The following TENT2 variants were observed in gnomAD, a reference collection of about 807,000 sequenced individuals.
The protein encoded by TENT2 is terminal nucleotidyltransferase 2.
TENT2 carries 44 observed loss-of-function variants against 72.2 expected under a neutral mutation model. The ratio of observed to expected loss-of-function variants is 0.61; its 90% CI spans 0.48 to 0.78. The LOEUF is 0.78. Ranked by LOEUF, TENT2 falls within the 30% of genes least tolerant of loss-of-function variation. TENT2 has a pLI of 0.00. For synonymous variants in TENT2, 212 were observed against 192.5 expected, an observed-to-expected ratio of 1.10 and a Z score of -0.84; for missense variants, 541 against 569.6, an observed-to-expected ratio of 0.95 and a Z score of 0.51.
At chr5:79,617,982 A>G (rs1440174398) in intron 1 of TENT2, among the ~76,000 whole-genome samples, 2 of 151,826 alleles carry the variant, frequency 1.3e-5, no homozygotes, top group African/African-American at 2.4e-5. Context: ...GGTGTCTTTC[A>G]GTCTTTGGCA....
At chr5:79,629,779 A>G (rs1455382484) in intron 4 of TENT2, among the ~76,000 whole-genome samples, 6 of 150,820 alleles carry the variant, frequency 4.0e-5, no homozygotes, top group East Asian at 2.0e-4. Context: ...GTGAGCCGAG[A>G]TCGTGCCACT....
chr5:79,614,697 A>G (rs552545324), intron 1 of TENT2, among the ~76,000 whole-genome samples: 19 of 152,352 alleles, frequency 1.2e-4, no homozygotes, highest in Admixed American at 3.9e-4. Context: ...GAAACCTTTC[A>G]TTCAGAGTAT....
At chr5:79,633,812 A>G (rs1224999899) in intron 4 of TENT2, among the ~76,000 whole-genome samples, 1 of 150,322 alleles carries the variant, frequency 6.7e-6, no homozygotes, top group African/African-American at 2.4e-5. Context: ...TGTGAAGGTT[A>G]TACAGTGTTA....
intron 9 of TENT2, 74 bp from the exon 10 acceptor site, chr5:79,648,988 A>T: frequency 6.8e-7 from 1 of 1,477,710 alleles, no homozygotes; most frequent in Non-Finnish European, 9.3e-7. Flanking sequence ...TTTGGTATGG[A>T]GCTGGGAAAT....
intron 4 of TENT2, among the ~76,000 whole-genome samples, chr5:79,639,477 G>GTTT (rs368927693): frequency 0.047 from 6,778 of 145,208 alleles, 363 homozygotes; most frequent in Admixed American, 0.15. Context: ...AGTGAAGGTG[G>GTTT]TTTTTTTTTT....
At chr5:79,617,127 A>G (rs1422759956) in intron 1 of TENT2, among the ~76,000 whole-genome samples, 1 of 151,736 alleles carries the variant, frequency 6.6e-6, no homozygotes, top group South Asian at 2.1e-4. Context: ...GTTTAAAAAA[A>G]AAAAGAAAAG....
chr5:79,636,442 C>T (rs911628316), intron 4 of TENT2, among the ~76,000 whole-genome samples: 2 of 151,838 alleles, frequency 1.3e-5, no homozygotes, highest in Non-Finnish European at 2.9e-5. Context: ...TTTGTTTATC[C>T]TTCTGCCAGG....
At position 79,629,487 on chromosome 5, in the gene TENT2, C is replaced by G. The variant is rs184491294; in HGVS notation, c.465+5998C>G. Among the ~76,000 whole-genome samples the G allele has an allele frequency of 1.9e-4, 29 of 152,284 alleles. No individual in the cohort carries two copies. The East Asian group carries it at 5.0e-3, about 26-fold the overall frequency. On this transcript the variant is annotated intron_variant, in intron 4 of 14. Transcript: ENST00000453514. ...CACTGTTTTGCTAAACATACATGGTCTCTACCATTTAGGTACAGCATGGTG... is the reference window on the plus strand; with the variant it reads ...CACTGTTTTGCTAAACATACATGGTGTCTACCATTTAGGTACAGCATGGTG...
chr5:79,676,337 G>C (rs111245958), intron 12 of TENT2, among the ~76,000 whole-genome samples: 1 of 152,036 alleles, frequency 6.6e-6, no homozygotes, highest in Non-Finnish European at 1.5e-5. Context: ...AGTGGCTCAC[G>C]CACCTTGGGA....
chr5:79,643,864 T>C (rs561400886), intron 7 of TENT2, among the ~76,000 whole-genome samples: 1 of 152,288 alleles, frequency 6.6e-6, no homozygotes, highest in East Asian at 1.9e-4. Flanking sequence ...ATGGATTTAG[T>C]AACTTGCCTG....
At chr5:79,659,767 C>T (rs189760277) in intron 11 of TENT2, among the ~76,000 whole-genome samples, 101 of 151,026 alleles carry the variant, frequency 6.7e-4, no homozygotes, top group Non-Finnish European at 1.2e-4. Context: ...ACAATTTTTC[C>T]ATTATACTCT....
intron 4 of TENT2, among the ~76,000 whole-genome samples, chr5:79,626,340 C>G: frequency 6.8e-6 from 1 of 147,076 alleles, no homozygotes; most frequent in South Asian, 2.2e-4. Flanking sequence ...CGGAGTCTCA[C>G]TCTGTCGCCC....
intron 1 of TENT2, among the ~76,000 whole-genome samples, chr5:79,615,988 A>C (rs1280263610): frequency 1.3e-5 from 2 of 151,940 alleles, no homozygotes; most frequent in African/African-American, 4.8e-5. Flanking sequence ...TGCCAGGTTC[A>C]AGCGATTCCC....
chr5:79,626,913 C>G (rs1770600390), intron 4 of TENT2, among the ~76,000 whole-genome samples: 1 of 151,924 alleles, frequency 6.6e-6, no homozygotes, highest in Non-Finnish European at 1.5e-5. Context: ...AGGCGGATCA[C>G]AAGGTCAGGA....
chr5:79,655,950 G>C (rs1274595296), intron 10 of TENT2, among the ~76,000 whole-genome samples: 1 of 151,538 alleles, frequency 6.6e-6, no homozygotes, highest in Non-Finnish European at 1.5e-5. Flanking sequence ...TGGTCATAAT[G>C]GTTCATTACA....
intron 12 of TENT2, among the ~76,000 whole-genome samples, chr5:79,672,248 G>A (rs185520566): frequency 1.4e-4 from 21 of 152,304 alleles, no homozygotes; most frequent in African/African-American, 4.6e-4. Flanking sequence ...GGCATACAGT[G>A]CATAATAATC....
intron 12 of TENT2, among the ~76,000 whole-genome samples, chr5:79,670,613 G>A (rs187118360): frequency 1.4e-3 from 215 of 152,002 alleles, no homozygotes; most frequent in African/African-American, 4.9e-3. Context: ...GTGAGCCACC[G>A]TGCTCGGCCA....
intron 1 of TENT2, among the ~76,000 whole-genome samples, chr5:79,616,548 G>A (rs886985945): frequency 6.6e-6 from 1 of 152,068 alleles, no homozygotes; most frequent in Non-Finnish European, 1.5e-5. Context: ...TAACTCCTGG[G>A]CTCAAACAAT....
At position 79,659,554 on chromosome 5, in the gene TENT2, A is replaced by AAG. The variant is rs1491177633; in HGVS notation, c.1071+2553_1071+2554insAG. ...CTCAAAAAAAAAAAAAAAAAAAAAA[A>AAG]TGTATATATATATATATATATATAT... On this transcript the variant is annotated intron_variant, in intron 11 of 14. Transcript: ENST00000453514. Among the ~76,000 whole-genome samples, 3 of 47,278 alleles carry AAG rather than the reference A, an allele frequency of 6.3e-5. 1 individual carries two copies. The highest frequency in any genetic ancestry group is 5.7e-4 in the Admixed American group (2 of 3,538). 31.0% of individuals were successfully genotyped at this position (47,278 alleles called of 152,430 possible). A position where few individuals can be genotyped will look rare whatever the true frequency, so the allele number is the denominator to read the frequency against.
Sources: gnomAD v4.1 joint callset for allele counts (sites outside exome capture counted in the v4.1 genomes callset) on GRCh38, gnomAD v4.1.1 for gene constraint, MANE v1.5 for transcripts, NCBI Gene and HGNC (gene_info 2026-07-23, HGNC 2026-07-21) for gene names.